Variants in MAGI1 observed in about 807,000 individuals in gnomAD.
The protein encoded by MAGI1 is membrane-associated guanylate kinase, WW and PDZ domain-containing protein 1.
Under a neutral mutation model 139.9 loss-of-function variants are expected in MAGI1, and 58 were observed. The observed-to-expected ratio is 0.41, with a 90% confidence interval of 0.34 to 0.52. The LOEUF (loss-of-function observed/expected upper bound fraction) is 0.52. Ranked by LOEUF, MAGI1 falls within the 20% of genes least tolerant of loss-of-function variation. MAGI1 has a pLI of 0.12. For synonymous variants in MAGI1, 812 were observed against 737.9 expected (o/e 1.10, Z -1.63); for missense variants, 1,874 against 1,901.6 (o/e 0.99, Z 0.27).
At chr3:65,731,132 C>A (rs2034147193) in intron 1 of MAGI1, among the ~76,000 whole-genome samples, 1 of 152,064 alleles carries the variant, frequency 6.6e-6, no homozygotes. Flanking sequence ...TAACCCATAC[C>A]CCATGATTTA....
At chr3:65,566,769 A>G (rs2080674448) in intron 2 of MAGI1, among the ~76,000 whole-genome samples, 2 of 152,206 alleles carry the variant, frequency 1.3e-5, no homozygotes, top group African/African-American at 4.8e-5. Flanking sequence ...CAAAACTGGC[A>G]GGACCTCTGA....
rs576236928 is a variant in MAGI1 at position 65,718,094 on chromosome 3, G to A, written c.314-96006C>T. Among the ~76,000 whole-genome samples, 101 of 152,220 alleles carry A rather than the reference G, an allele frequency of 6.6e-4. No individual in the cohort carries two copies. In the Middle Eastern group the frequency reaches 0.02, roughly 31 times the overall value. On this transcript the variant is annotated intron_variant, in intron 1 of 22. Coordinates refer to ENST00000402939, the MANE Select transcript of MAGI1 (RefSeq NM_001033057.2). ...TACACTCGGGACCTTGAATTGATTG[G>A]TCTGTGACTCTAACTCCTGATAAGG...
intron 5 of MAGI1, among the ~76,000 whole-genome samples, chr3:65,464,716 T>A (rs1027029245): frequency 3.3e-5 from 5 of 152,102 alleles, no homozygotes; most frequent in Admixed American, 6.5e-5. Context: ...TAATTCACTT[T>A]GCCATTCCCC....
intron 3 of MAGI1, among the ~76,000 whole-genome samples, chr3:65,487,015 A>T (rs1196307076): frequency 6.6e-6 from 1 of 152,188 alleles, no homozygotes; most frequent in Non-Finnish European, 1.5e-5. Context: ...TCACATAAAT[A>T]TCTCCAGATT....
At chr3:65,390,193 C>G (rs1943799251) in intron 14 of MAGI1, among the ~76,000 whole-genome samples, 1 of 152,186 alleles carries the variant, frequency 6.6e-6, no homozygotes, top group African/African-American at 2.4e-5. Flanking sequence ...ACATTTGCAG[C>G]TAGGAATGAA....
intron 2 of MAGI1, among the ~76,000 whole-genome samples, chr3:65,545,994 G>GCACACA (rs749949035): frequency 7.3e-6 from 1 of 136,682 alleles, no homozygotes; most frequent in Non-Finnish European, 1.6e-5. Context: ...ACACACACAC[G>GCACACA]CACACACACA....
intron 1 of MAGI1, among the ~76,000 whole-genome samples, chr3:66,020,270 C>T (rs1294445606): frequency 6.6e-6 from 1 of 152,158 alleles, no homozygotes; most frequent in Non-Finnish European, 1.5e-5. Flanking sequence ...AACTCCATCT[C>T]TATTAAAAAT....
intron 2 of MAGI1, among the ~76,000 whole-genome samples, chr3:65,551,003 G>A (rs546627407): frequency 6.6e-6 from 1 of 152,214 alleles, no homozygotes; most frequent in South Asian, 2.1e-4. Flanking sequence ...GTTTGGTTCT[G>A]TGTCCCCACC....
intron 1 of MAGI1, among the ~76,000 whole-genome samples, chr3:65,860,772 T>C (rs977497837): frequency 6.6e-6 from 1 of 152,228 alleles, no homozygotes; most frequent in Non-Finnish European, 1.5e-5. Context: ...CCAGCTTCTC[T>C]GAGAAGGCAG....
At chr3:65,837,812 C>A (rs934943715) in intron 1 of MAGI1, among the ~76,000 whole-genome samples, 1 of 152,164 alleles carries the variant, frequency 6.6e-6, no homozygotes, top group African/African-American at 2.4e-5. Flanking sequence ...AAGGCACAAC[C>A]TCAAATTTCA....
intron 1 of MAGI1, among the ~76,000 whole-genome samples, chr3:66,026,685 G>A (rs1406296679): frequency 6.6e-6 from 1 of 151,896 alleles, no homozygotes; most frequent in Non-Finnish European, 1.5e-5. Flanking sequence ...AGGGCACACG[G>A]GAGGAAAGAA....
In MAGI1 at chr3:65,355,219, G is replaced by T. The variant is rs555790520; in HGVS notation, c.*1159C>A. The T allele has an allele frequency of 6.6e-6, 1 of 152,264 alleles. No homozygotes were observed. The highest frequency in any genetic ancestry group is 1.5e-5 in the Non-Finnish European group (1 of 68,040). 9.4% of individuals were successfully genotyped at this position (152,264 alleles called of 1,614,324 possible). ...CAAAGGACAGAGTCATGAGGCAGAA[G>T]TTTCCCAACCAGACCTAGAATCACT... On this transcript the variant is annotated 3_prime_UTR_variant, in exon 23 of 23. Coordinates refer to ENST00000402939, the MANE Select transcript of MAGI1 (RefSeq NM_001033057.2).
At chr3:65,649,879 G>A (rs1402150803) in intron 1 of MAGI1, among the ~76,000 whole-genome samples, 1 of 152,168 alleles carries the variant, frequency 6.6e-6, no homozygotes, top group Non-Finnish European at 1.5e-5. Context: ...ACAGAAAGCT[G>A]GATCACTCAT....
intron 1 of MAGI1, among the ~76,000 whole-genome samples, chr3:65,681,050 C>G (rs1480131874): frequency 6.6e-6 from 1 of 152,310 alleles, no homozygotes; most frequent in Admixed American, 6.5e-5. Context: ...TAATCAATAT[C>G]TATAGTGGGG....
At chr3:65,455,438 G>C (rs1319728069) in intron 5 of MAGI1, among the ~76,000 whole-genome samples, 1 of 152,068 alleles carries the variant, frequency 6.6e-6, no homozygotes, top group Non-Finnish European at 1.5e-5. Context: ...GCGCTGGGCG[G>C]GGTGGTACAT....
At chr3:65,695,761 G>A (rs533892034) in intron 1 of MAGI1, among the ~76,000 whole-genome samples, 19 of 152,232 alleles carry the variant, frequency 1.2e-4, no homozygotes, top group Non-Finnish European at 1.3e-4. Context: ...AGATTCCAAG[G>A]GCTCTCAGTT....
intron 1 of MAGI1, among the ~76,000 whole-genome samples, chr3:65,666,845 T>C (rs956479152): frequency 1.3e-5 from 2 of 152,170 alleles, no homozygotes; most frequent in Non-Finnish European, 2.9e-5. Flanking sequence ...CTTCCAGAAA[T>C]TCCACAGCTG....
At chr3:65,735,508 T>C (rs148238149) in intron 1 of MAGI1, among the ~76,000 whole-genome samples, 25 of 152,222 alleles carry the variant, frequency 1.6e-4, no homozygotes, top group Admixed American at 3.9e-4. Context: ...TATCATGTAA[T>C]ATTGTCAACA....
chr3:65,727,122 T>C (rs1329406547), intron 1 of MAGI1, among the ~76,000 whole-genome samples: 2 of 152,128 alleles, frequency 1.3e-5, no homozygotes, highest in African/African-American at 2.4e-5. Context: ...TAGGAAGTAG[T>C]GAGACAAAGT....
Sources: gnomAD v4.1 joint callset for allele counts (sites outside exome capture counted in the v4.1 genomes callset) on GRCh38, gnomAD v4.1.1 for gene constraint, MANE v1.5 for transcripts, NCBI Gene and HGNC (gene_info 2026-07-23, HGNC 2026-07-21) for gene names.